MTMR9: variants seen among roughly 807,000 people sequenced by gnomAD.
MTMR9 encodes the protein myotubularin related protein 9.
In MTMR9, 39 loss-of-function variants were observed where a neutral mutation model predicts 69.5. The observed-to-expected ratio is 0.56, with a 90% confidence interval of 0.43 to 0.73. MTMR9 has a LOEUF of 0.73. Ranked by LOEUF, MTMR9 falls within the 30% of genes least tolerant of loss-of-function variation. MTMR9 has a pLI of 0.00. For synonymous variants in MTMR9, 354 were observed against 240.8 expected (o/e 1.47, Z -4.35); for missense variants, 900 against 671.2 (o/e 1.34, Z -3.77).
chr8:11,336,254 G>T, the MTMR9 span, among the ~76,000 whole-genome samples: 1 of 152,140 alleles, frequency 6.6e-6, no homozygotes, highest in Non-Finnish European at 1.5e-5. Context: ...AGTCCATGTT[G>T]CTGAGTCTAT....
the MTMR9 span, among the ~76,000 whole-genome samples, chr8:11,336,237 C>G: frequency 1.3e-5 from 2 of 152,160 alleles, no homozygotes; most frequent in Non-Finnish European, 2.9e-5. Context: ...TGGTCTTGCC[C>G]AGAGGAAGTC....
intron 4 of MTMR9, 98 bp from the exon 5 acceptor site, chr8:11,306,092 A>G: frequency 2.0e-6 from 2 of 986,334 alleles, no homozygotes; most frequent in Non-Finnish European, 3.1e-6. Context: ...GTGTCACACA[A>G]TTGTTTTTGA....
intron 5 of MTMR9, among the ~76,000 whole-genome samples, chr8:11,308,466 G>A (rs1188537719): frequency 6.6e-6 from 1 of 152,178 alleles, no homozygotes; most frequent in Non-Finnish European, 1.5e-5. Flanking sequence ...ATCAGGTACT[G>A]CGTGAGGCCA....
At chr8:11,285,109 G>A in intron 1 of MTMR9, 39 bp downstream of exon 1, 3 of 1,499,936 alleles carry the variant, frequency 2.0e-6, no homozygotes, top group Non-Finnish European at 2.7e-6. Flanking sequence ...AGGGAGCCGG[G>A]GGTCCCTTGT....
At chr8:11,313,256 G>A (rs1275383804) in intron 6 of MTMR9, among the ~76,000 whole-genome samples, 1 of 152,152 alleles carries the variant, frequency 6.6e-6, no homozygotes, top group African/African-American at 2.4e-5. Flanking sequence ...ATAGAACTTT[G>A]TAGAATGGAG....
chr8:11,306,790 C>T (rs1428459390), intron 5 of MTMR9, among the ~76,000 whole-genome samples: 1 of 152,150 alleles, frequency 6.6e-6, no homozygotes, highest in East Asian at 1.9e-4. Context: ...AATAGACCTA[C>T]AGAACTAATT....
chr8:11,298,728 C>A (rs573707019), intron 2 of MTMR9: 12 of 924,750 alleles, frequency 1.3e-5, no homozygotes, highest in African/African-American at 1.8e-5. Context: ...GCACCCCCCC[C>A]CCGCCATCCA....
chr8:11,306,614 CTG>C (rs1799950328), intron 5 of MTMR9, among the ~76,000 whole-genome samples: 1 of 152,100 alleles, frequency 6.6e-6, no homozygotes, highest in South Asian at 2.1e-4. Context: ...GTGATGTACA[CTG>C]TGCTATTTTG....
At chr8:11,330,218 G>C (rs554030927), downstream of MTMR9, among the ~76,000 whole-genome samples, 4 of 150,624 alleles carry the variant, frequency 2.7e-5, no homozygotes, top group African/African-American at 7.3e-5. Context: ...GCCGCGGCCT[G>C]GCCAGCCGCC....
At chr8:11,337,081 G>T in the MTMR9 span, among the ~76,000 whole-genome samples, 8 of 152,056 alleles carry the variant, frequency 5.3e-5, no homozygotes, top group Non-Finnish European at 1.0e-4. Flanking sequence ...TATCTACTGG[G>T]ACTTGTCAGA....
chr8:11,307,621 A>G (rs1413447948), intron 5 of MTMR9, among the ~76,000 whole-genome samples: 2 of 152,226 alleles, frequency 1.3e-5, no homozygotes, highest in African/African-American at 2.4e-5. Context: ...AGGAGCCTCC[A>G]TACTGTTTTC....
At chr8:11,309,438 T>TAGATATGTTGGAGGCTG in intron 5 of MTMR9, 89 bp from the exon 6 acceptor site, 2 of 1,137,890 alleles carry the variant, frequency 1.8e-6, no homozygotes, top group South Asian at 1.6e-5. Context: ...CTTTTGCTCT[T>TAGATATGTTGGAGGCTG]AGATATGTTG....
chr8:11,301,113 G>C (rs1215368668), intron 3 of MTMR9, among the ~76,000 whole-genome samples: 2 of 152,208 alleles, frequency 1.3e-5, no homozygotes, highest in Admixed American at 1.3e-4. Flanking sequence ...TAATTGATCT[G>C]TAGAGTCAGT....
downstream of MTMR9, among the ~76,000 whole-genome samples, chr8:11,330,644 T>G (rs929414370): frequency 6.6e-6 from 1 of 152,128 alleles, no homozygotes; most frequent in African/African-American, 2.4e-5. Flanking sequence ...CTGGGGCATG[T>G]GCTGTGTCCA....
downstream of MTMR9, chr8:11,332,229 GGAAAGAGT>G (rs1801266224): frequency 4.7e-6 from 7 of 1,475,842 alleles, no homozygotes; most frequent in Non-Finnish European, 6.3e-6. Context: ...ATAAATCCTA[GGAAAGAGT>G]GAAAGTCTAA....
chr8:11,303,236 C>G (rs1162285955), intron 3 of MTMR9, among the ~76,000 whole-genome samples: 2 of 149,596 alleles, frequency 1.3e-5, no homozygotes, highest in African/African-American at 2.5e-5. Flanking sequence ...CTAAAGTGGA[C>G]AAGTGCGACG....
chr8:11,335,935 G>A, the MTMR9 span, among the ~76,000 whole-genome samples: 5 of 152,138 alleles, frequency 3.3e-5, no homozygotes, highest in Non-Finnish European at 5.9e-5. Context: ...ACTTCAACAC[G>A]TGAAGTTGGG....
chr8:11,295,124 CA>C (rs1284455302), intron 1 of MTMR9, 69 bp from the exon 2 acceptor site: 2 of 825,370 alleles, frequency 2.4e-6, no homozygotes, highest in Non-Finnish European at 3.9e-6. Flanking sequence ...ATTCTCTTTT[CA>C]AAGAAATAAT....
chr8:11,321,365 G>C (rs1340163692), intron 9 of MTMR9: 1 of 455,866 alleles, frequency 2.2e-6, no homozygotes, highest in South Asian at 1.5e-5. Flanking sequence ...TTCCTGTTTA[G>C]GACTTCTGGG....
Sources: gnomAD v4.1 joint callset for allele counts (sites outside exome capture counted in the v4.1 genomes callset) on GRCh38, gnomAD v4.1.1 for gene constraint, MANE v1.5 for transcripts, NCBI Gene and HGNC (gene_info 2026-07-23, HGNC 2026-07-21) for gene names.